Variants in HDAC9 observed in about 807,000 individuals in gnomAD.
HDAC9 encodes MEF-2 interacting transcription repressor (MITR) protein.
Under a neutral mutation model 139.4 loss-of-function variants are expected in HDAC9, and 41 were observed. The observed-to-expected ratio is 0.29, with a 90% CI of 0.23 to 0.38. The LOEUF is 0.38. Among genes scored for constraint, HDAC9 ranks in the 10% least tolerant of loss-of-function variants. HDAC9 has a pLI of 1.00. For missense variants in HDAC9, 1,147 were observed against 1,297.0 expected, an observed-to-expected ratio of 0.88 and a Z score of 1.78; for synonymous variants, 517 against 476.2, an observed-to-expected ratio of 1.09 and a Z score of -1.12.
intron 1 of HDAC9, among the ~76,000 whole-genome samples, chr7:18,150,573 T>A (rs1253425405): frequency 6.6e-6 from 1 of 152,166 alleles, no homozygotes; most frequent in East Asian, 1.9e-4. Context: ...GAGTGCATAT[T>A]TTCTATTGTA....
intron 1 of HDAC9, among the ~76,000 whole-genome samples, chr7:18,390,047 AACAC>A (rs60514746): frequency 0.041 from 5,400 of 130,430 alleles, 134 homozygotes; most frequent in African/African-American, 0.06. Context: ...AGAGAAAGAC[AACAC>A]ACACACACAC....
intron 24 of HDAC9, among the ~76,000 whole-genome samples, chr7:18,971,217 G>C (rs1448617477): frequency 6.6e-6 from 1 of 152,174 alleles, no homozygotes; most frequent in Non-Finnish European, 1.5e-5. Flanking sequence ...AATGGTGAAG[G>C]CTGGATAGTC....
At chr7:18,554,833 C>T (rs1818307054) in intron 2 of HDAC9, among the ~76,000 whole-genome samples, 1 of 152,154 alleles carries the variant, frequency 6.6e-6, no homozygotes, top group South Asian at 2.1e-4. Context: ...TCTTACAAAT[C>T]ATTGGGTGCA....
chr7:18,983,031 G>C (rs1454806609), intron 25 of HDAC9, among the ~76,000 whole-genome samples: 1 of 152,132 alleles, frequency 6.6e-6, no homozygotes, highest in Non-Finnish European at 1.5e-5. Flanking sequence ...TATGTGTATT[G>C]TTGTGCAACA....
chr7:18,861,077 C>T (rs534336103), intron 21 of HDAC9, among the ~76,000 whole-genome samples: 199 of 152,246 alleles, frequency 1.3e-3, no homozygotes, highest in African/African-American at 4.6e-3. Flanking sequence ...ACTGGACTCA[C>T]ATTTGAAATC....
intron 1 of HDAC9, among the ~76,000 whole-genome samples, chr7:18,109,391 G>A (rs1459593929): frequency 6.6e-6 from 1 of 152,138 alleles, no homozygotes; most frequent in African/African-American, 2.4e-5. Flanking sequence ...GTAGCTTTTG[G>A]TGTCAGTGTA....
intron 2 of HDAC9, among the ~76,000 whole-genome samples, chr7:18,520,738 G>A (rs1199893484): frequency 6.6e-6 from 1 of 152,186 alleles, no homozygotes. Context: ...CACCCAGAGA[G>A]TAAGTACAAC....
At chr7:18,111,146 C>T (rs1179315953) in intron 1 of HDAC9, among the ~76,000 whole-genome samples, 2 of 152,164 alleles carry the variant, frequency 1.3e-5, no homozygotes, top group Non-Finnish European at 2.9e-5. Flanking sequence ...AAGCTTACAG[C>T]TTAGTGGGAG....
intron 17 of HDAC9, among the ~76,000 whole-genome samples, chr7:18,825,990 A>C (rs914963378): frequency 1.3e-5 from 2 of 151,716 alleles, no homozygotes; most frequent in Non-Finnish European, 2.9e-5. Context: ...GGAATTATAC[A>C]AATGTAACAT....
intron 1 of HDAC9, among the ~76,000 whole-genome samples, chr7:18,409,475 G>A (rs939870298): frequency 6.6e-6 from 1 of 152,074 alleles, no homozygotes. Flanking sequence ...AAAATAATTA[G>A]CTTGGTAGTG....
rs77336429 is a variant in HDAC9 at position 18,713,543 on chromosome 7, A to G, written c.1732-14037A>G. ...CCACTCTTATTTATCAATTACAATT[A>G]ATTTTTCAAAAGAATGGAGCCATCA... On this transcript the variant is annotated intron_variant, in intron 12 of 25. Coordinates refer to ENST00000686413, the MANE Select transcript of HDAC9 (RefSeq NM_178425.4). Among the ~76,000 whole-genome samples, 789 of 152,314 alleles carry G rather than the reference A, an allele frequency of 5.2e-3. 2 individuals carry two copies. Among genetic ancestry groups the G allele is most frequent in the Non-Finnish European group, 7.5e-3 (509 of 68,010 alleles).
At chr7:18,555,995 G>A (rs922656491) in intron 2 of HDAC9, among the ~76,000 whole-genome samples, 1 of 151,498 alleles carries the variant, frequency 6.6e-6, no homozygotes. Context: ...TAAAATCTTG[G>A]GATTTTCTTT....
chr7:18,478,181 C>T (rs975082273), intron 1 of HDAC9, among the ~76,000 whole-genome samples: 1 of 151,980 alleles, frequency 6.6e-6, no homozygotes, highest in Admixed American at 6.5e-5. Flanking sequence ...ACGCCGTTTT[C>T]CTGCCTCAGC....
intron 1 of HDAC9, among the ~76,000 whole-genome samples, chr7:18,100,673 C>G (rs1214466870): frequency 1.3e-5 from 2 of 152,156 alleles, no homozygotes; most frequent in African/African-American, 4.8e-5. Flanking sequence ...TTCATAATAA[C>G]TGTTTTAATG....
intron 6 of HDAC9, among the ~76,000 whole-genome samples, chr7:18,619,836 G>A (rs940053421): frequency 5.9e-5 from 9 of 152,086 alleles, no homozygotes; most frequent in Non-Finnish European, 1.0e-4. Context: ...GCCCTTGGAC[G>A]TGGTTATTTC....
At chr7:18,936,976 GA>G (rs897155776) in intron 23 of HDAC9, among the ~76,000 whole-genome samples, 5 of 143,374 alleles carry the variant, frequency 3.5e-5, no homozygotes, top group African/African-American at 1.3e-4. Context: ...TTAATTTGAA[GA>G]AAAAATATGA....
chr7:18,772,509 C>T (rs944933064), intron 16 of HDAC9, among the ~76,000 whole-genome samples: 2 of 152,008 alleles, frequency 1.3e-5, no homozygotes, highest in Non-Finnish European at 2.9e-5. Context: ...TTCTCACATG[C>T]AGTAATCAGG....
intron 16 of HDAC9, among the ~76,000 whole-genome samples, chr7:18,784,807 TAAC>T (rs1791555760): frequency 6.6e-6 from 1 of 152,090 alleles, no homozygotes; most frequent in Non-Finnish European, 1.5e-5. Context: ...ATATTTCACT[TAAC>T]AGAATGAATC....
At chr7:18,550,334 C>A (rs905740937) in intron 2 of HDAC9, among the ~76,000 whole-genome samples, 2 of 152,100 alleles carry the variant, frequency 1.3e-5, no homozygotes, top group African/African-American at 4.8e-5. Context: ...ATTTCCCAAC[C>A]TATATGTATT....
Sources: gnomAD v4.1 joint callset for allele counts (sites outside exome capture counted in the v4.1 genomes callset) on GRCh38, gnomAD v4.1.1 for gene constraint, MANE v1.5 for transcripts, NCBI Gene and HGNC (gene_info 2026-07-23, HGNC 2026-07-21) for gene names.